PRDM10: variants seen among roughly 807,000 people sequenced by gnomAD.
The protein encoded by PRDM10 is PR domain zinc finger protein 10.
In PRDM10, 65 loss-of-function variants were observed where a neutral mutation model predicts 133.1. The observed-to-expected ratio is 0.49, with a 90% CI of 0.40 to 0.60. The LOEUF (loss-of-function observed/expected upper bound fraction) is 0.60, where lower values mean the gene tolerates loss of function less well. PRDM10 is among the 20% of genes least tolerant of loss of function. The pLI, the probability that PRDM10 is intolerant of heterozygous loss-of-function variation, is 0.00. For synonymous variants in PRDM10, 582 were observed against 580.4 expected, an observed-to-expected ratio of 1.00 and a Z score of -0.04; for missense variants, 1,137 against 1,507.1, an observed-to-expected ratio of 0.75 and a Z score of 4.07.
chr11:129,997,075 A>C (rs1485379369), intron 1 of PRDM10, among the ~76,000 whole-genome samples: 2 of 152,230 alleles, frequency 1.3e-5, no homozygotes, highest in Non-Finnish European at 2.9e-5. Flanking sequence ...CAGTAAAAGG[A>C]AAGGCATCAA....
At chr11:130,002,199 GC>G (rs1555116239) in intron 1 of PRDM10, among the ~76,000 whole-genome samples, 4 of 147,522 alleles carry the variant, frequency 2.7e-5, no homozygotes, top group Non-Finnish European at 6.0e-5. Flanking sequence ...TGCCCGCCGC[GC>G]CCGGAGCGCC....
At chr11:129,931,510 C>T (rs1950856157) in intron 10 of PRDM10, among the ~76,000 whole-genome samples, 1 of 152,032 alleles carries the variant, frequency 6.6e-6, no homozygotes. Context: ...ACTAATTAAA[C>T]AAAGTCCACC....
At chr11:129,991,644 C>G (rs1472625017) in intron 1 of PRDM10, among the ~76,000 whole-genome samples, 3 of 152,068 alleles carry the variant, frequency 2.0e-5, no homozygotes, top group African/African-American at 7.2e-5. Flanking sequence ...CATGGTGAAA[C>G]CCCATCTCTG....
intron 1 of PRDM10, among the ~76,000 whole-genome samples, chr11:129,986,586 G>A (rs1380145809): frequency 4.6e-5 from 7 of 152,088 alleles, no homozygotes; most frequent in Non-Finnish European, 1.0e-4. Context: ...ACGGGATTTT[G>A]CCATGTTGGC....
chr11:129,990,241 G>C (rs947293827), intron 1 of PRDM10, among the ~76,000 whole-genome samples: 1 of 152,066 alleles, frequency 6.6e-6, no homozygotes, highest in Admixed American at 6.6e-5. Context: ...AGCTACTCGG[G>C]AGGCTGAGGC....
In PRDM10 at chr11:129,942,607, C is replaced by A. The variant is rs1951248519; in HGVS notation, c.785G>T (p.Arg262Met). 6.2e-7 allele frequency: 1 copy of A among 1,613,804 alleles called. No individual in the cohort carries two copies. The highest frequency in any genetic ancestry group is 8.5e-7 in the Non-Finnish European group (1 of 1,179,964). ...GTCTTCATGTAAATCCCTTTCTTTC[C>A]TGTCCCCTTTATCAAGAGAAACCTG... ...HLKVSLDKGD[R>M]KERDLHEDLW... The change falls in exon 7 of 21, where the codon AGG becomes ATG. Residue 262 changes from arginine to methionine, a missense_variant. Physicochemically the swap from Arg to Met is moderately conservative, Grantham distance 91 (BLOSUM62 -1). Around this residue, in one of 6 missense-constraint regions of PRDM10, gnomAD observed 635 missense variants for 835.2 expected, o/e 0.76. Coordinates refer to ENST00000360871, the MANE Select transcript of PRDM10 (RefSeq NM_199437.2).
chr11:129,932,913 G>A lies in PRDM10; in HGVS notation c.1158-682C>T, dbSNP rs1950916315. On this transcript the variant is annotated intron_variant, in intron 9 of 20. Transcript: ENST00000360871. Reference sequence around the variant, plus strand: ...CCCAAGTAGCTGGGACTACAGGCATGTGGCACCACGCCCAGCTAATTTTAT... The same window carrying A: ...CCCAAGTAGCTGGGACTACAGGCATATGGCACCACGCCCAGCTAATTTTAT... Among the ~76,000 whole-genome samples, 4 of 152,260 alleles carry A rather than the reference G, an allele frequency of 2.6e-5. No homozygotes were observed. The South Asian group carries it at 6.2e-4, about 24-fold the overall frequency.
chr11:129,910,268 G>C (rs375209708), intron 19 of PRDM10, among the ~76,000 whole-genome samples: 7 of 152,232 alleles, frequency 4.6e-5, no homozygotes, highest in Admixed American at 6.5e-5. Context: ...TATACCTGAC[G>C]TTTCGAAAAT....
chr11:129,919,603 G>T (rs1400565531), intron 13 of PRDM10, among the ~76,000 whole-genome samples: 1 of 152,168 alleles, frequency 6.6e-6, no homozygotes, highest in African/African-American at 2.4e-5. Flanking sequence ...TCCATGGAGA[G>T]AATCAGGCAG....
chr11:129,958,984 A>G (rs1951747227), intron 2 of PRDM10, among the ~76,000 whole-genome samples: 2 of 152,214 alleles, frequency 1.3e-5, no homozygotes, highest in Admixed American at 6.5e-5. Context: ...CTGATATTGA[A>G]GGTCTGGAAG....
intron 4 of PRDM10, among the ~76,000 whole-genome samples, chr11:129,955,058 G>T (rs1951671255): frequency 6.6e-6 from 1 of 152,178 alleles, no homozygotes; most frequent in Non-Finnish European, 1.5e-5. Context: ...TAATGGGAAA[G>T]AAATGTTTTA....
Position 129,899,896 on chromosome 11 carries a change from T to C in PRDM10, c.*2417A>G, listed in dbSNP as rs555004868. 2 of 152,802 alleles carry C rather than the reference T, an allele frequency of 1.3e-5. No individual in the cohort carries two copies. The highest frequency in any genetic ancestry group is 6.5e-5 in the Admixed American group (1 of 15,306). 9.5% of individuals were successfully genotyped at this position (152,802 alleles called of 1,614,324 possible). A position where few individuals can be genotyped will look rare whatever the true frequency, so the allele number is the denominator to read the frequency against. On this transcript the variant is annotated 3_prime_UTR_variant, in exon 21 of 21. Transcript: ENST00000360871. Reference sequence around the variant, plus strand: ...CTTTAGCATCTCATGAAGTGCTTTTTAGACCTAGATATCTTAAGAGTTTTT... The same window carrying C: ...CTTTAGCATCTCATGAAGTGCTTTTCAGACCTAGATATCTTAAGAGTTTTT...
At position 129,935,170 on chromosome 11, in the gene PRDM10, C is replaced by G; in HGVS notation, c.1088G>C (p.Arg363Pro). The G allele has an allele frequency of 6.2e-7, 1 of 1,613,986 alleles. No homozygotes were observed. Among genetic ancestry groups the G allele is most frequent in the Non-Finnish European group, 8.5e-7 (1 of 1,179,918 alleles). ...KNWPCYECNRRFISSEQLQQH... is the reference protein window; with the variant it reads ...KNWPCYECNRPFISSEQLQQH... ...TTGCAACTGCTCCGAGCTTATAAAT[C>G]GGCGGTTACATTCATAGCAGGGCCA... The change falls in exon 9 of 21, where the codon CGA becomes CCA. Residue 363 changes from arginine to proline, a missense_variant. Physicochemically the swap from Arg to Pro is moderately radical, Grantham distance 103 (BLOSUM62 -2). Transcript: ENST00000360871.
In PRDM10 at chr11:129,945,581, T is replaced by C. The variant is rs1188139842; in HGVS notation, c.521-569A>G. ...TTAGATAATGCTAAAATGAACAAAT[T>C]TAGAATCCCTTCCTTCATTCACTGG... On this transcript the variant is annotated intron_variant, in intron 5 of 20. Coordinates refer to ENST00000360871, the MANE Select transcript of PRDM10 (RefSeq NM_199437.2). The surrounding 1 kb of genome is among the most constrained non-coding windows in gnomAD (Gnocchi z 4.2). 1.3e-5 allele frequency among the ~76,000 whole-genome samples: 2 copies of C among 149,156 alleles called. No homozygotes were observed. The highest frequency in any genetic ancestry group is 2.9e-5 in the Non-Finnish European group (2 of 68,008).
At chr11:129,999,446 G>A (rs1939226904) in intron 1 of PRDM10, among the ~76,000 whole-genome samples, 1 of 152,196 alleles carries the variant, frequency 6.6e-6, no homozygotes, top group Non-Finnish European at 1.5e-5. Context: ...AATTCTGCTT[G>A]TGAAAAACAA....
intron 1 of PRDM10, among the ~76,000 whole-genome samples, chr11:129,999,630 C>A (rs1203531231): frequency 6.6e-6 from 1 of 152,128 alleles, no homozygotes; most frequent in Non-Finnish European, 1.5e-5. Flanking sequence ...GATATAATTA[C>A]GCGGTTACGA....
At chr11:129,998,265 T>C (rs1939163664) in intron 1 of PRDM10, among the ~76,000 whole-genome samples, 1 of 152,008 alleles carries the variant, frequency 6.6e-6, no homozygotes, top group African/African-American at 2.4e-5. Context: ...AAACCACAGG[T>C]GGCTACTAGA....
chr11:129,938,809 T>G (rs115142016), intron 7 of PRDM10, among the ~76,000 whole-genome samples: 1,557 of 152,218 alleles, frequency 0.01, 29 homozygotes, highest in African/African-American at 0.036. Context: ...TGTGATAATC[T>G]CCAAAGGGCT....
rs1291636696 is a variant in PRDM10 at position 129,945,800 on chromosome 11, A to AC, written c.521-789dup. Among the ~76,000 whole-genome samples the AC allele has an allele frequency of 6.6e-6, 1 of 152,210 alleles. No individual in the cohort carries two copies. The highest frequency in any genetic ancestry group is 2.4e-5 in the African/African-American group (1 of 41,462). ...ACCCTTAACACACTTAACATGCTTTACCTTACTCCAGCTGCATGGTGACCT... is the reference window on the plus strand; with the variant it reads ...ACCCTTAACACACTTAACATGCTTTACCCTTACTCCAGCTGCATGGTGACCT... On this transcript the variant is annotated intron_variant, in intron 5 of 20. Coordinates refer to ENST00000360871, the MANE Select transcript of PRDM10 (RefSeq NM_199437.2). This position sits in a 1 kb window ranked among gnomAD's most constrained non-coding sequence, Gnocchi z 4.2.
Sources: allele counts gnomAD v4.1 joint callset (sites outside exome capture counted in the v4.1 genomes callset), GRCh38; gene constraint gnomAD v4.1.1; regional missense constraint gnomAD v4.1.1; non-coding constraint Gnocchi (gnomAD v3.1); transcripts MANE v1.5; gene names NCBI Gene and HGNC (gene_info 2026-07-23, HGNC 2026-07-21).